Variants in CLK2 observed in about 807,000 individuals in gnomAD.
The protein encoded by CLK2 is dual specificity protein kinase CLK2.
A neutral mutation model predicts 73.5 loss-of-function variants in CLK2; 12 were observed. That is an observed-to-expected ratio of 0.16 (90% CI 0.10 to 0.26). The LOEUF (loss-of-function observed/expected upper bound fraction) is 0.26, where lower values mean the gene tolerates loss of function less well. Ranked by LOEUF, CLK2 falls within the 10% of genes least tolerant of loss-of-function variation. The pLI is 1.00. For synonymous variants in CLK2, 232 were observed against 237.9 expected (o/e 0.98, Z 0.23); for missense variants, 509 against 688.4 (o/e 0.74, Z 2.92).
chr1:155,271,647 G>A (rs968376580), intron 1 of CLK2, among the ~76,000 whole-genome samples: 4 of 152,174 alleles, frequency 2.6e-5, no homozygotes, highest in Non-Finnish European at 4.4e-5. Flanking sequence ...GTGTATCCCC[G>A]TTCAGGATCT....
chr1:155,268,961 C>A lies in CLK2; in HGVS notation c.400-166G>T, dbSNP rs1340175083. On this transcript the variant is annotated intron_variant, in intron 3 of 12. Transcript: ENST00000368361. The surrounding 1 kb of genome is among the most constrained non-coding windows in gnomAD (Gnocchi z 5.6). Reference sequence around the variant, plus strand: ...ACACGTCAGATGCAGTAAGGTGGATCGGTGTGAGAAGAGAGAGCGGCGCAT... The same window carrying A: ...ACACGTCAGATGCAGTAAGGTGGATAGGTGTGAGAAGAGAGAGCGGCGCAT... 3 of 631,210 alleles carry A rather than the reference C, an allele frequency of 4.8e-6. No homozygotes were observed. In the South Asian group the frequency reaches 5.4e-5, roughly 11 times the overall value. 39.1% of individuals were successfully genotyped at this position (631,210 alleles called of 1,614,324 possible). A position where few individuals can be genotyped will look rare whatever the true frequency, so the allele number is the denominator to read the frequency against.
rs1391830267 is a variant in CLK2, at chr1:155,270,991, G to GA, written c.1-15dup. 5 of 1,601,282 alleles carry GA rather than the reference G, an allele frequency of 3.1e-6. No homozygotes were observed. The highest frequency in any genetic ancestry group is 4.3e-6 in the Non-Finnish European group (5 of 1,169,154). On this transcript the variant is annotated splice_polypyrimidine_tract_variant and intron_variant, in intron 1 of 12. Transcript: ENST00000368361. ...AGGATGCGGCATCTGGAAGGCAAGGGAAAGCGGAAATAGGAAAGTTTCGAG... is the reference window on the plus strand; with the variant it reads ...AGGATGCGGCATCTGGAAGGCAAGGGAAAAGCGGAAATAGGAAAGTTTCGAG...
In CLK2 at chr1:155,268,000, G is replaced by T; in HGVS notation, c.671+10C>A. 6.3e-7 allele frequency: 1 copy of T among 1,598,638 alleles called. No homozygotes were observed. Among genetic ancestry groups the T allele is most frequent in the Non-Finnish European group, 8.6e-7 (1 of 1,166,138 alleles). On this transcript the variant is annotated intron_variant, in intron 6 of 12. Coordinates refer to ENST00000368361, the MANE Select transcript of CLK2 (RefSeq NM_001294338.2). ...TCTCAGCCTCCCTACATACTTCCTT[G>T]CTTGCTTACTTCTTGTTGTCAGGGT...
intron 8 of CLK2, among the ~76,000 whole-genome samples, chr1:155,265,320 A>G (rs994500313): frequency 6.6e-6 from 1 of 152,144 alleles, no homozygotes; most frequent in Non-Finnish European, 1.5e-5. Context: ...TAATCCCAGC[A>G]TTCTGGGAGC....
rs1673142806 is a variant in CLK2, at chr1:155,264,651, T to G, written c.1057A>C (p.Ile353Leu). ...CAGCCTTGCCCTCCCTTACCAAGGA[T>G]GACTTCTGGTGCTCGGTAATGGCGA... The part of the protein sequence containing the change: ...STRHYRAPEV[I>L]LELGWSQPCD... Residue 353 changes from isoleucine (I) to leucine (L), a missense_variant, in exon 9 of 13, where the codon ATC (isoleucine) becomes CTC (leucine). This residue lies in a region of CLK2 where 48 missense variants were observed against 144.9 expected (regional missense o/e 0.33). Transcript: ENST00000368361. The G allele has an allele frequency of 3.1e-6, 5 of 1,614,130 alleles. No homozygotes were observed. The East Asian group carries it at 1.1e-4, about 36-fold the overall frequency.
At chr1:155,269,002 A>G (rs1673363154) in intron 3 of CLK2, 2 of 608,586 alleles carry the variant, frequency 3.3e-6, no homozygotes, top group Admixed American at 2.8e-5. Flanking sequence ...CAAGTCCCCA[A>G]ACCCAAAACA....
At position 155,264,471 on chromosome 1, in the gene CLK2, G is replaced by A; in HGVS notation, c.1143C>T (p.Phe381=). The A allele has an allele frequency of 1.2e-6, 2 of 1,614,132 alleles. No individual in the cohort carries two copies. The highest frequency in any genetic ancestry group is 1.7e-6 in the Non-Finnish European group (2 of 1,179,976). Residue 381 remains phenylalanine, a synonymous_variant, in exon 10 of 13, where the codon TTC becomes TTT. Coordinates refer to ENST00000368361, the MANE Select transcript of CLK2 (RefSeq NM_001294338.2). ...IFEYYVGFTL[F]QTHDNREHLA... ...AGTAAGACATCCCATCACTTACCTGGAAGAGGGTGAATCCCACATAGTATT... is the reference window on the plus strand; with the variant it reads ...AGTAAGACATCCCATCACTTACCTGAAAGAGGGTGAATCCCACATAGTATT...
chr1:155,269,113 C>A (rs1673368668), intron 3 of CLK2: 1 of 576,374 alleles, frequency 1.7e-6, no homozygotes, highest in South Asian at 2.1e-5. Flanking sequence ...AGACACAGAT[C>A]TCCCCTTGCC....
chr1:155,269,685 C>A lies in CLK2; in HGVS notation c.202G>T (p.Val68Leu), dbSNP rs747946686. The A allele has an allele frequency of 1.2e-5, 19 of 1,614,126 alleles. 1 individual carries two copies. In the Admixed American group the frequency reaches 2.2e-4, roughly 18 times the overall value. Residue 68 changes from valine (V) to leucine (L), a missense_variant, in exon 3 of 13, where the codon GTG becomes TTG. Around this residue, in one of 6 missense-constraint regions of CLK2, gnomAD observed 222 missense variants for 221.7 expected, o/e 1.00. Transcript: ENST00000368361. ...SYDDRSSDRR[V>L]YDRRYCGSYR... is the part of the protein sequence containing the mutation. ...CTGCCACAGTATCGCCGGTCATACA[C>A]CCTCCGGTCGGACGAACGATCATCA...
At chr1:155,270,778 G>A (rs773378165) in intron 2 of CLK2, 30 bp downstream of exon 2, 48 of 1,591,176 alleles carry the variant, frequency 3.0e-5, no homozygotes, top group Non-Finnish European at 4.0e-5. Context: ...GAGTGACCCT[G>A]TGTTTGAGTA....
At chr1:155,265,206 G>C (rs1395579637) in intron 8 of CLK2, among the ~76,000 whole-genome samples, 1 of 152,156 alleles carries the variant, frequency 6.6e-6, no homozygotes, top group African/African-American at 2.4e-5. Flanking sequence ...TTAGGTCTGA[G>C]ATCTCCATTA....
rs529050925 is a variant in CLK2 at position 155,262,912 on chromosome 1, C to T, written c.*306G>A. ...GTTATTTTATTTCACAAAGACTGTA[C>T]AAAATTCCTTATAAAACATGGGGTA... On this transcript the variant is annotated 3_prime_UTR_variant, in exon 13 of 13. Coordinates refer to ENST00000368361, the MANE Select transcript of CLK2 (RefSeq NM_001294338.2). 3.1e-6 allele frequency: 1 copy of T among 319,330 alleles called. No homozygotes were observed. The highest frequency in any genetic ancestry group is 2.1e-5 in the African/African-American group (1 of 46,890). 19.8% of individuals were successfully genotyped at this position (319,330 alleles called of 1,614,324 possible).
chr1:155,264,242 G>A lies in CLK2; in HGVS notation c.1205C>T (p.Ser402Phe), dbSNP rs753864417. 24 of 1,614,080 alleles carry A rather than the reference G, an allele frequency of 1.5e-5. No homozygotes were observed. Among genetic ancestry groups the A allele is most frequent in the Middle Eastern group, 1.6e-4 (1 of 6,084 alleles). Residue 402 changes from serine (S) to phenylalanine (F), a missense_variant, in exon 11 of 13, where the codon TCC becomes TTC. Ser to Phe is a radical substitution (Grantham distance 155, BLOSUM62 -2). Transcript: ENST00000368361. ...TCACCTTGTCTTTCGGATCATCCGGGAAGGGATAGGACCCAAGATCCTTTC... is the reference window on the plus strand; with the variant it reads ...TCACCTTGTCTTTCGGATCATCCGGAAAGGGATAGGACCCAAGATCCTTTC... ...MMERILGPIP[S>F]RMIRKTRKQK...
chr1:155,266,504 T>A (rs1483548568), intron 7 of CLK2, among the ~76,000 whole-genome samples: 1 of 152,238 alleles, frequency 6.6e-6, no homozygotes, highest in African/African-American at 2.4e-5. Flanking sequence ...CCAAAGGCTT[T>A]CTCTTCTAGC....
Position 155,268,476 on chromosome 1 carries a change from T to C in CLK2, c.488-117A>G. 1 of 854,768 alleles carries C rather than the reference T, an allele frequency of 1.2e-6. No homozygotes were observed. The highest frequency in any genetic ancestry group is 2.0e-5 in the Admixed American group (1 of 49,566). 52.9% of individuals were successfully genotyped at this position (854,768 alleles called of 1,614,324 possible). A position where few individuals can be genotyped will look rare whatever the true frequency, so the allele number is the denominator to read the frequency against. On this transcript the variant is annotated intron_variant, in intron 4 of 12. Transcript: ENST00000368361. This position sits in a 1 kb window ranked among gnomAD's most constrained non-coding sequence, Gnocchi z 5.6. ...GTGGAGATGAAGGAAGGGGAACAGA[T>C]ACAGATGGTCACAGGGGAAGAAAAC...
intron 12 of CLK2, 140 bp from the exon 13 acceptor site, chr1:155,263,540 G>A: frequency 6.9e-7 from 1 of 1,442,848 alleles, no homozygotes; most frequent in Non-Finnish European, 9.1e-7. Context: ...ACCACACCAG[G>A]ACCAACGTTT....
Position 155,268,950 on chromosome 1 carries a change from G to A in CLK2, c.400-155C>T, listed in dbSNP as rs767446178. 2 of 642,866 alleles carry A rather than the reference G, an allele frequency of 3.1e-6. No homozygotes were observed. Among genetic ancestry groups the A allele is most frequent in the Admixed American group, 2.3e-5 (1 of 43,208 alleles). The allele number at this position is 642,866 out of a possible 1,614,324, so 39.8% of individuals were successfully genotyped here. A position where few individuals can be genotyped will look rare whatever the true frequency, so the allele number is the denominator to read the frequency against. ...AGTGGAAGGGAACACGTCAGATGCAGTAAGGTGGATCGGTGTGAGAAGAGA... is the reference window on the plus strand; with the variant it reads ...AGTGGAAGGGAACACGTCAGATGCAATAAGGTGGATCGGTGTGAGAAGAGA... On this transcript the variant is annotated intron_variant, in intron 3 of 12. Transcript: ENST00000368361. This position sits in a 1 kb window ranked among gnomAD's most constrained non-coding sequence, Gnocchi z 5.6.
At position 155,270,848 on chromosome 1, in the gene CLK2, G is replaced by A. The variant is rs577592800; in HGVS notation, c.130C>T (p.Arg44Trp). 1.9e-5 allele frequency: 30 copies of A among 1,613,442 alleles called. No individual in the cohort carries two copies. The African/African-American group carries it at 2.3e-4, about 12-fold the overall frequency. ...SWSSSSDRTRRRRREDSYHVR... is the reference protein window; with the variant it reads ...SWSSSSDRTRWRRREDSYHVR... ...TGGTAGCTGTCCTCTCGCCGACGCC[G>A]TCGTGTCCGGTCACTACTACTTGAC... Residue 44 changes from arginine (R) to tryptophan (W), a missense_variant, in exon 2 of 13, where the codon CGG (arginine) becomes TGG (tryptophan). Arg to Trp is a moderately radical substitution (Grantham distance 101). Around this residue, in one of 6 missense-constraint regions of CLK2, gnomAD observed 222 missense variants for 221.7 expected, o/e 1.00. Coordinates refer to ENST00000368361, the MANE Select transcript of CLK2 (RefSeq NM_001294338.2).
chr1:155,264,483 T>A lies in CLK2; in HGVS notation c.1131A>T (p.Gly377=). ...IGCIIFEYYV[G]FTLFQTHDNR... The stretch of plus-strand genomic sequence containing the variant: ...CATCACTTACCTGGAAGAGGGTGAA[T>A]CCCACATAGTATTCAAAGATGATGC... The change falls in exon 10 of 13, where the codon GGA becomes GGT. Residue 377 remains glycine (G), a synonymous_variant. Coordinates refer to ENST00000368361, the MANE Select transcript of CLK2 (RefSeq NM_001294338.2). 2 of 1,614,058 alleles carry A rather than the reference T, an allele frequency of 1.2e-6. No individual in the cohort carries two copies. Among genetic ancestry groups the A allele is most frequent in the Non-Finnish European group, 8.5e-7 (1 of 1,179,996 alleles).
Sources: gnomAD v4.1 joint callset for allele counts (sites outside exome capture counted in the v4.1 genomes callset) on GRCh38, gnomAD v4.1.1 for gene constraint, gnomAD v4.1.1 regional missense constraint, Gnocchi (gnomAD v3.1) non-coding constraint, MANE v1.5 for transcripts, NCBI Gene and HGNC (gene_info 2026-07-23, HGNC 2026-07-21) for gene names.